SMG6: variants seen among roughly 807,000 people sequenced by gnomAD.
SMG6 encodes SMG6 nonsense mediated mRNA decay factor.
Under a neutral mutation model 142.2 loss-of-function variants are expected in SMG6, and 66 were observed. The ratio of observed to expected loss-of-function variants is 0.46; its 90% CI spans 0.38 to 0.57. The LOEUF (loss-of-function observed/expected upper bound fraction) is 0.57. Ranked by LOEUF, SMG6 falls within the 20% of genes least tolerant of loss-of-function variation. The probability of loss-of-function intolerance (pLI) is 0.00; values close to 1 mark genes in which losing one functional copy is unlikely to be tolerated. For missense variants in SMG6, 1,793 were observed against 1,832.0 expected, an observed-to-expected ratio of 0.98 and a Z score of 0.39; for synonymous variants, 779 against 702.4, an observed-to-expected ratio of 1.11 and a Z score of -1.72.
chr17:2,230,552 T>C (rs1298903829), intron 10 of SMG6, among the ~76,000 whole-genome samples: 1 of 152,114 alleles, frequency 6.6e-6, no homozygotes, highest in Non-Finnish European at 1.5e-5. Context: ...TCTTTGGCTT[T>C]TCCTATTTCT....
At chr17:2,257,891 C>T (rs2074220368) in intron 8 of SMG6, among the ~76,000 whole-genome samples, 1 of 151,404 alleles carries the variant, frequency 6.6e-6, no homozygotes, top group African/African-American at 2.4e-5. Context: ...TGCCTGTAGT[C>T]CCAGCTACTC....
chr17:2,205,937 T>C (rs1025349207), intron 10 of SMG6, among the ~76,000 whole-genome samples: 2 of 152,144 alleles, frequency 1.3e-5, no homozygotes, highest in Admixed American at 6.5e-5. Context: ...GCCTCTTGAG[T>C]AGCTGGGACT....
At chr17:2,275,336 C>G (rs532025699) in intron 8 of SMG6, among the ~76,000 whole-genome samples, 1 of 152,262 alleles carries the variant, frequency 6.6e-6, no homozygotes, top group South Asian at 2.1e-4. Flanking sequence ...GCTGGAAGAT[C>G]ACTTGAACTC....
At chr17:2,081,581 C>G (rs1180599646) in intron 15 of SMG6, among the ~76,000 whole-genome samples, 2 of 152,118 alleles carry the variant, frequency 1.3e-5, no homozygotes, top group African/African-American at 4.8e-5. Context: ...TTCTCAGAGT[C>G]TCTGAGAAGA....
intron 13 of SMG6, among the ~76,000 whole-genome samples, chr17:2,092,240 C>A (rs1350793716): frequency 6.6e-6 from 1 of 152,194 alleles, no homozygotes; most frequent in African/African-American, 2.4e-5. Flanking sequence ...CCGCGCCCGG[C>A]CTTTCTCAGT....
intron 13 of SMG6, among the ~76,000 whole-genome samples, chr17:2,105,623 G>C (rs1488820665): frequency 6.6e-6 from 1 of 152,190 alleles, no homozygotes; most frequent in Non-Finnish European, 1.5e-5. Flanking sequence ...AGAAGAAACA[G>C]TTCTGACGAA....
At chr17:2,112,994 G>C (rs1180265220) in intron 13 of SMG6, among the ~76,000 whole-genome samples, 1 of 152,114 alleles carries the variant, frequency 6.6e-6, no homozygotes, top group Non-Finnish European at 1.5e-5. Context: ...CTGAGCTCAA[G>C]TGATCTACTG....
At chr17:2,175,426 C>T (rs1042852897) in intron 12 of SMG6, among the ~76,000 whole-genome samples, 4 of 152,062 alleles carry the variant, frequency 2.6e-5, no homozygotes, top group Admixed American at 2.0e-4. Context: ...CCACATCCCT[C>T]TCTCATCCTC....
intron 15 of SMG6, among the ~76,000 whole-genome samples, chr17:2,070,308 T>C (rs1341167939): frequency 6.6e-6 from 1 of 152,218 alleles, no homozygotes; most frequent in Non-Finnish European, 1.5e-5. Flanking sequence ...AGAATCGAAC[T>C]GATCTGCTGG....
chr17:2,155,054 A>AGTT (rs1415828606), intron 13 of SMG6, among the ~76,000 whole-genome samples: 1 of 122,736 alleles, frequency 8.1e-6, no homozygotes, highest in Non-Finnish European at 1.7e-5. Context: ...TGAGAAAAAA[A>AGTT]ATTTTTTTTT....
At chr17:2,203,023 C>T (rs1363997542) in intron 10 of SMG6, among the ~76,000 whole-genome samples, 1 of 152,174 alleles carries the variant, frequency 6.6e-6, no homozygotes, top group Admixed American at 6.5e-5. Flanking sequence ...GTCCTGGGGG[C>T]TCTATCAATA....
chr17:2,153,678 G>C (rs12951240), intron 13 of SMG6, among the ~76,000 whole-genome samples: 1 of 146,268 alleles, frequency 6.8e-6, no homozygotes, highest in Admixed American at 6.8e-5. Flanking sequence ...GATGCATGTA[G>C]AGTGTGACGG....
intron 13 of SMG6, among the ~76,000 whole-genome samples, chr17:2,086,249 G>A (rs563160001): frequency 6.6e-6 from 1 of 152,338 alleles, no homozygotes; most frequent in South Asian, 2.1e-4. Context: ...AGAACCAGCA[G>A]AGGGAAGAGT....
chr17:2,211,915 C>T (rs1363385318), intron 10 of SMG6, among the ~76,000 whole-genome samples: 1 of 152,134 alleles, frequency 6.6e-6, no homozygotes, highest in African/African-American at 2.4e-5. Context: ...AAAGCCAAGG[C>T]TCCAAGCATC....
intron 13 of SMG6, among the ~76,000 whole-genome samples, chr17:2,132,223 A>C (rs1321231710): frequency 6.6e-6 from 1 of 152,212 alleles, no homozygotes; most frequent in African/African-American, 2.4e-5. Context: ...TATCCCCATA[A>C]CTGGAATGTA....
chr17:2,100,880 A>G (rs2068988507), intron 13 of SMG6, among the ~76,000 whole-genome samples: 1 of 151,194 alleles, frequency 6.6e-6, no homozygotes, highest in Non-Finnish European at 1.5e-5. Context: ...TTGAACTCCT[A>G]GGCTCAAGAG....
At chr17:2,204,115 C>CA (rs1322901066) in intron 10 of SMG6, among the ~76,000 whole-genome samples, 1 of 152,112 alleles carries the variant, frequency 6.6e-6, no homozygotes, top group African/African-American at 2.4e-5. Flanking sequence ...AGGCATGTGC[C>CA]ACCATGCCCA....
chr17:2,255,200 C>G (rs1203040973), intron 8 of SMG6, among the ~76,000 whole-genome samples: 1 of 151,132 alleles, frequency 6.6e-6, no homozygotes, highest in East Asian at 2.0e-4. Context: ...GTCAGGAGAT[C>G]GAGACCATCC....
At chr17:2,087,785 G>C in intron 13 of SMG6, 2 of 985,884 alleles carry the variant, frequency 2.0e-6, no homozygotes, top group Non-Finnish European at 2.4e-6. Flanking sequence ...AGCACGCACA[G>C]TGGCCTCCCT....
Sources: gnomAD v4.1 joint callset for allele counts (sites outside exome capture counted in the v4.1 genomes callset) on GRCh38, gnomAD v4.1.1 for gene constraint, MANE v1.5 for transcripts, NCBI Gene and HGNC (gene_info 2026-07-23, HGNC 2026-07-21) for gene names.